Variants in PPARG observed in about 807,000 individuals in gnomAD.
PPARG encodes the protein peroxisome proliferator-activated receptor gamma.
Under a neutral mutation model 39.2 loss-of-function variants are expected in PPARG, and 17 were observed. The ratio of observed to expected loss-of-function variants is 0.43; its 90% confidence interval spans 0.30 to 0.65. The LOEUF is 0.65. PPARG is among the 30% of genes least tolerant of loss of function. The probability of loss-of-function intolerance (pLI) is 0.13; values close to 1 mark genes in which losing one functional copy is unlikely to be tolerated. For synonymous variants in PPARG, 223 were observed against 215.7 expected (o/e 1.03, Z -0.30); for missense variants, 406 against 585.9 (o/e 0.69, Z 3.17).
rs1372393112 is a variant in PPARG, at chr3:12,370,718, TG to T, written c.-8-8985del. 6.6e-5 allele frequency among the ~76,000 whole-genome samples: 10 copies of T among 152,360 alleles called. No individual in the cohort carries two copies. The South Asian group carries it at 8.3e-4, about 13-fold the overall frequency. ...GTCTCACAGTAAACCTATTTAACCT[TG>T]CTTAACCTAGCATTGCCTAAATTTA... On this transcript the variant is annotated intron_variant, in intron 2 of 7. Coordinates refer to ENST00000651735, the MANE Select transcript of PPARG (RefSeq NM_138711.6).
chr3:12,292,627 A>G (rs2046674747), intron 1 of PPARG, among the ~76,000 whole-genome samples: 1 of 152,102 alleles, frequency 6.6e-6, no homozygotes, highest in Non-Finnish European at 1.5e-5. Context: ...CCATCCAAAT[A>G]ATAAATTTTA....
intron 1 of PPARG, among the ~76,000 whole-genome samples, chr3:12,296,820 A>G (rs1244836382): frequency 2.0e-5 from 3 of 152,230 alleles, no homozygotes; most frequent in Non-Finnish European, 2.9e-5. Context: ...GCCCTAGAGG[A>G]CTGGTTCATG....
chr3:12,372,023 A>G (rs895637004), intron 2 of PPARG: 6 of 717,378 alleles, frequency 8.4e-6, no homozygotes, highest in Non-Finnish European at 1.6e-5. Flanking sequence ...TAACTGAAAC[A>G]AATGAGAAGG....
chr3:12,377,882 G>A lies in PPARG; in HGVS notation c.-8-1822G>A, dbSNP rs1157452525. ...GATTGCAAATCGTACATCTGATATGGAATTAATATTCCAAAATATGTAAGA... is the reference window on the plus strand; with the variant it reads ...GATTGCAAATCGTACATCTGATATGAAATTAATATTCCAAAATATGTAAGA... On this transcript the variant is annotated intron_variant, in intron 2 of 7. Coordinates refer to ENST00000651735, the MANE Select transcript of PPARG (RefSeq NM_138711.6). 3.3e-5 allele frequency among the ~76,000 whole-genome samples: 5 copies of A among 152,088 alleles called. No individual in the cohort carries two copies. The South Asian group carries it at 6.2e-4, about 19-fold the overall frequency.
chr3:12,411,851 G>C (rs1559531123), intron 6 of PPARG, among the ~76,000 whole-genome samples: 2 of 152,100 alleles, frequency 1.3e-5, no homozygotes, highest in Admixed American at 6.5e-5. Context: ...AGGAGAACCA[G>C]GTGTGTCAAA....
chr3:12,333,942 C>A (rs1022441347), intron 2 of PPARG, among the ~76,000 whole-genome samples: 4 of 152,094 alleles, frequency 2.6e-5, no homozygotes, highest in African/African-American at 7.2e-5. Flanking sequence ...TTTTTGAGTC[C>A]CTGTGAAACT....
intron 6 of PPARG, among the ~76,000 whole-genome samples, chr3:12,412,779 G>T (rs2050921294): frequency 6.6e-6 from 1 of 152,148 alleles, no homozygotes; most frequent in South Asian, 2.1e-4. Context: ...TCCTTAGAGA[G>T]ACTCCACTAC....
intron 5 of PPARG, among the ~76,000 whole-genome samples, chr3:12,395,171 A>G (rs772668264): frequency 2.6e-4 from 39 of 152,272 alleles, no homozygotes; most frequent in Non-Finnish European, 4.3e-4. Context: ...TGAAAATTCT[A>G]TGATTCTGTA....
chr3:12,307,470 T>TA (rs1424697899), intron 1 of PPARG, among the ~76,000 whole-genome samples: 2 of 151,694 alleles, frequency 1.3e-5, no homozygotes, highest in Non-Finnish European at 2.9e-5. Flanking sequence ...AAGTTGATCT[T>TA]ACAAGGTCAG....
chr3:12,294,603 T>C (rs976796714), intron 1 of PPARG, among the ~76,000 whole-genome samples: 5 of 152,158 alleles, frequency 3.3e-5, no homozygotes, highest in Admixed American at 1.3e-4. Flanking sequence ...TCATAAAATA[T>C]CATACATGCG....
At chr3:12,334,427 C>T (rs995864029) in intron 2 of PPARG, among the ~76,000 whole-genome samples, 2 of 151,854 alleles carry the variant, frequency 1.3e-5, no homozygotes, top group African/African-American at 2.4e-5. Flanking sequence ...GATGGGTTTT[C>T]GCCATGTTGT....
chr3:12,396,032 T>G (rs535540199), intron 5 of PPARG, among the ~76,000 whole-genome samples: 3 of 152,244 alleles, frequency 2.0e-5, no homozygotes, highest in Non-Finnish European at 4.4e-5. Context: ...TGCATTTTTA[T>G]AGATTTTCAA....
chr3:12,405,078 A>G (rs1283036238), intron 5 of PPARG, among the ~76,000 whole-genome samples: 1 of 152,252 alleles, frequency 6.6e-6, no homozygotes. Context: ...ACATGATTCA[A>G]AATAATATTT....
chr3:12,302,770 G>A (rs2046961257), intron 1 of PPARG, among the ~76,000 whole-genome samples: 2 of 152,072 alleles, frequency 1.3e-5, no homozygotes, highest in African/African-American at 4.8e-5. Flanking sequence ...TCAGGAGCGG[G>A]GAGATTCCAT....
chr3:12,334,133 T>C (rs551817527), intron 2 of PPARG, among the ~76,000 whole-genome samples: 3 of 152,304 alleles, frequency 2.0e-5, no homozygotes, highest in African/African-American at 7.2e-5. Context: ...CTTTGTATAA[T>C]ATTTCCCACA....
In PPARG at chr3:12,379,817, A is replaced by G. The variant is rs757147631; in HGVS notation, c.106A>G (p.Thr36Ala). The change falls in exon 3 of 8, where the codon ACT becomes GCT. Residue 36 changes from threonine (T) to alanine (A), a missense_variant. Physicochemically the swap from Thr to Ala is moderately conservative, Grantham distance 58 (BLOSUM62 0). This residue lies in a region of PPARG where 131 missense variants were observed against 127.9 expected (regional missense o/e 1.02). Transcript: ENST00000651735. ...HSHSFDIKPF[T>A]TVDFSSISTP... is the part of the protein sequence containing the mutation. The stretch of plus-strand genomic sequence containing the variant: ...CCACTCCTTTGATATCAAGCCCTTC[A>G]CTACTGTTGACTTCTCCAGCATTTC... 9 of 1,613,748 alleles carry G rather than the reference A, an allele frequency of 5.6e-6. No homozygotes were observed. The highest frequency in any genetic ancestry group is 7.6e-6 in the Non-Finnish European group (9 of 1,179,792).
chr3:12,296,097 C>G (rs1409150718), intron 1 of PPARG, among the ~76,000 whole-genome samples: 2 of 150,858 alleles, frequency 1.3e-5, no homozygotes, highest in East Asian at 3.9e-4. Flanking sequence ...ACAATAAATA[C>G]AAAAATTAAC....
intron 6 of PPARG, among the ~76,000 whole-genome samples, chr3:12,412,408 T>A (rs187381042): frequency 1.3e-4 from 20 of 152,332 alleles, no homozygotes; most frequent in African/African-American, 4.6e-4. Flanking sequence ...GTACTTTTAA[T>A]CCCATCCTGA....
chr3:12,421,635 T>G (rs947674054), intron 7 of PPARG, among the ~76,000 whole-genome samples: 2 of 152,230 alleles, frequency 1.3e-5, no homozygotes, highest in African/African-American at 4.8e-5. Context: ...TCCATTTCAG[T>G]TCTTCCTAAA....
Sources: allele counts gnomAD v4.1 joint callset (sites outside exome capture counted in the v4.1 genomes callset), GRCh38; gene constraint gnomAD v4.1.1; regional missense constraint gnomAD v4.1.1; transcripts MANE v1.5; gene names NCBI Gene and HGNC (gene_info 2026-07-23, HGNC 2026-07-21).